LIPA: variants seen among roughly 807,000 people sequenced by gnomAD.
LIPA encodes lipase A, lysosomal acid type, also known as lysosomal acid lipase/cholesteryl ester hydrolase.
In LIPA, 26 loss-of-function variants were observed where a neutral mutation model predicts 40.6. The observed-to-expected ratio is 0.64, with a 90% CI of 0.47 to 0.89. The LOEUF (loss-of-function observed/expected upper bound fraction) is 0.89, where lower values mean the gene tolerates loss of function less well. Among genes scored for constraint, LIPA ranks in the 40% least tolerant of loss-of-function variants. The pLI, the probability that LIPA is intolerant of heterozygous loss-of-function variation, is 0.00. For missense variants in LIPA, 455 were observed against 479.6 expected, an observed-to-expected ratio of 0.95 and a Z score of 0.48; for synonymous variants, 188 against 168.4, an observed-to-expected ratio of 1.12 and a Z score of -0.90.
chr10:89,350,130 T>C lies in LIPA; in HGVS notation c.61+62661A>G, dbSNP rs547124908. ...CCACTTCTCTACAAATGTATTGTTA[T>C]TTTGTTAAGATGCTCAATAAGTCTG... On this transcript the variant is annotated intron_variant, in intron 2 of 8. Transcript: ENST00000371837. Among the ~76,000 whole-genome samples the C allele has an allele frequency of 6.6e-5, 10 of 152,296 alleles. No homozygotes were observed. The South Asian group carries it at 1.9e-3, about 28-fold the overall frequency.
In LIPA at chr10:89,334,478, C is replaced by CTTTTTTTTTTTTTT. The variant is rs578154457; in HGVS notation, c.-2+8119_-2+8132dup. On this transcript the variant is annotated intron_variant, in intron 1 of 5. Coordinates refer to the LIPA transcript ENST00000282673. Reference sequence around the variant, plus strand: ...TGTTTTTTCTTCTTTTTCTTTTATTCTTTTTTTTTTTTTTTTTTTTTTTTT... The same window carrying CTTTTTTTTTTTTTT: ...TGTTTTTTCTTCTTTTTCTTTTATTCTTTTTTTTTTTTTTTTTTTTTTTTTTTTTTTTTTTTTTT... 3.7e-3 allele frequency among the ~76,000 whole-genome samples: 93 copies of CTTTTTTTTTTTTTT among 25,346 alleles called. 6 individuals are homozygous for CTTTTTTTTTTTTTT. Among genetic ancestry groups the CTTTTTTTTTTTTTT allele is most frequent in the Middle Eastern group, 0.056 (1 of 18 alleles). 16.6% of individuals were successfully genotyped at this position (25,346 alleles called of 152,430 possible). A position where few individuals can be genotyped will look rare whatever the true frequency, so the allele number is the denominator to read the frequency against.
intron 2 of LIPA, among the ~76,000 whole-genome samples, chr10:89,369,258 T>C (rs527850211): frequency 4.3e-4 from 66 of 152,300 alleles, no homozygotes; most frequent in African/African-American, 1.6e-3. Context: ...CCCCAGAATG[T>C]CTCTTAAGTG....
intron 1 of LIPA, chr10:89,302,067 AAGAGTGC>A: frequency 6.8e-6 from 11 of 1,609,112 alleles, no homozygotes; most frequent in Non-Finnish European, 9.4e-6. Context: ...AAGATTTCTG[AAGAGTGC>A]AGCTGCCTGA....
intron 1 of LIPA, among the ~76,000 whole-genome samples, chr10:89,272,404 C>T (rs1347280304): frequency 6.6e-6 from 1 of 152,202 alleles, no homozygotes; most frequent in Non-Finnish European, 1.5e-5. Context: ...CAGCTCCATC[C>T]TTGTCCCTGC....
At chr10:89,392,472 C>CG (rs1491237721) in intron 2 of LIPA, 2 of 104,510 alleles carry the variant, frequency 1.9e-5, no homozygotes, top group East Asian at 3.3e-4. Context: ...TCATTCCCCA[C>CG]CCCCCCCCGT....
At chr10:89,288,863 C>T (rs1416246705) in intron 1 of LIPA, among the ~76,000 whole-genome samples, 2 of 152,254 alleles carry the variant, frequency 1.3e-5, no homozygotes, top group African/African-American at 4.8e-5. Flanking sequence ...ATATCCTGCA[C>T]CACCATGCTG....
At chr10:89,345,944 T>C (rs1363417160), upstream of LIPA, among the ~76,000 whole-genome samples, 6 of 152,166 alleles carry the variant, frequency 3.9e-5, no homozygotes, top group Non-Finnish European at 7.4e-5. Flanking sequence ...CTCAAATACA[T>C]GAATTTCACA....
At chr10:89,403,816 A>C in intron 2 of LIPA, 2 of 662,166 alleles carry the variant, frequency 3.0e-6, no homozygotes, top group Non-Finnish European at 5.1e-6. Flanking sequence ...ATTCACTGTA[A>C]TGATGTAATT....
intron 1 of LIPA, among the ~76,000 whole-genome samples, chr10:89,304,342 G>A (rs1843464568): frequency 6.6e-6 from 1 of 152,146 alleles, no homozygotes; most frequent in Admixed American, 6.5e-5. Flanking sequence ...AAAAGCTCAT[G>A]TCCAAACAGA....
chr10:89,276,849 T>G (rs1235766919), intron 1 of LIPA, among the ~76,000 whole-genome samples: 3 of 152,140 alleles, frequency 2.0e-5, no homozygotes, highest in African/African-American at 7.2e-5. Context: ...TTATTCCCAT[T>G]TGATAGATGA....
intron 1 of LIPA, among the ~76,000 whole-genome samples, chr10:89,314,391 C>T (rs1201303509): frequency 6.6e-6 from 1 of 152,216 alleles, no homozygotes; most frequent in Non-Finnish European, 1.5e-5. Flanking sequence ...AATTTATGCC[C>T]GAGCGCAGTG....
chr10:89,336,527 A>C (rs1474879217), intron 1 of LIPA, among the ~76,000 whole-genome samples: 1 of 152,224 alleles, frequency 6.6e-6, no homozygotes, highest in East Asian at 1.9e-4. Flanking sequence ...GTACACTTGC[A>C]GTAGCGGTGT....
intron 1 of LIPA, among the ~76,000 whole-genome samples, chr10:89,328,905 T>C (rs1166229897): frequency 1.3e-5 from 2 of 152,274 alleles, no homozygotes; most frequent in East Asian, 3.9e-4. Flanking sequence ...GAATAGTCTA[T>C]AGGGAGGTAG....
At chr10:89,393,128 G>C in intron 2 of LIPA, 1 of 1,293,644 alleles carries the variant, frequency 7.7e-7, no homozygotes, top group Non-Finnish European at 1.0e-6. Context: ...CAGAGAAAAA[G>C]CAGGACCCAC....
intron 2 of LIPA, among the ~76,000 whole-genome samples, chr10:89,411,858 T>C (rs1841472544): frequency 6.6e-6 from 1 of 152,248 alleles, no homozygotes; most frequent in South Asian, 2.1e-4. Flanking sequence ...TACCAACCTC[T>C]GGAGTTGGGC....
At chr10:89,246,591 C>G (rs571409298) in intron 2 of LIPA, among the ~76,000 whole-genome samples, 1 of 152,300 alleles carries the variant, frequency 6.6e-6, no homozygotes, top group East Asian at 1.9e-4. Context: ...AATTTCTCTG[C>G]GAGTCCCTAA....
intron 2 of LIPA, chr10:89,403,890 A>T: frequency 1.9e-6 from 1 of 527,866 alleles, no homozygotes; most frequent in Admixed American, 3.7e-5. Flanking sequence ...GAATGTGTGT[A>T]TGCATGTAAG....
chr10:89,373,334 C>CAAAAAAAAAAAAAAAAAAAAAAAAA (rs34479360), intron 2 of LIPA, among the ~76,000 whole-genome samples: 3 of 63,164 alleles, frequency 4.7e-5, no homozygotes, highest in African/African-American at 1.8e-4. Context: ...GACTCCCTCT[C>CAAAAAAAAAAAAAAAAAAAAAAAAA]AAAAAAAAAA....
chr10:89,332,683 G>C, intron 1 of LIPA: 1 of 1,539,526 alleles, frequency 6.5e-7, no homozygotes, highest in Admixed American at 1.7e-5. Flanking sequence ...ACAACTTCCT[G>C]ACTTATGCTA....
Sources: allele counts gnomAD v4.1 joint callset (sites outside exome capture counted in the v4.1 genomes callset), GRCh38; gene constraint gnomAD v4.1.1; transcripts MANE v1.5; gene names NCBI Gene and HGNC (gene_info 2026-07-23, HGNC 2026-07-21).